DLC1: variants seen among roughly 807,000 people sequenced by gnomAD.
The protein encoded by DLC1 is rho GTPase-activating protein 7.
In DLC1, 54 loss-of-function variants were observed where a neutral mutation model predicts 140.3. That is an observed-to-expected ratio of 0.38 (90% CI 0.31 to 0.48). The LOEUF is 0.48. Among genes scored for constraint, DLC1 ranks in the 20% least tolerant of loss-of-function variants. The pLI is 0.96. For missense variants in DLC1, 2,536 were observed against 1,907.0 expected (o/e 1.33, Z -6.14); for synonymous variants, 986 against 728.1 (o/e 1.35, Z -5.70).
chr8:13,126,268 G>A (rs1821553537), intron 5 of DLC1, among the ~76,000 whole-genome samples: 1 of 151,612 alleles, frequency 6.6e-6, no homozygotes, highest in South Asian at 2.1e-4. Flanking sequence ...AAACTAAGAA[G>A]GAAATGGATA....
At chr8:13,572,819 A>G (rs180863438) in intron 1 of DLC1, among the ~76,000 whole-genome samples, 3 of 152,260 alleles carry the variant, frequency 2.0e-5, no homozygotes, top group African/African-American at 7.2e-5. Flanking sequence ...TGAACTCTAA[A>G]TTCTGTTCCA....
chr8:13,084,948 C>CA lies in DLC1; in HGVS notation c.*862dup, dbSNP rs1258819378. Reference sequence around the variant, plus strand: ...TTCAGTTTTTATATCTCGACTTAAACAAAAAACAAAACAAAACAAAACAAA... The same window carrying CA: ...TTCAGTTTTTATATCTCGACTTAAACAAAAAAACAAAACAAAACAAAACAAA... On this transcript the variant is annotated 3_prime_UTR_variant, in exon 18 of 18. Coordinates refer to ENST00000276297, the MANE Select transcript of DLC1 (RefSeq NM_182643.3). The CA allele has an allele frequency of 1.3e-5, 2 of 152,036 alleles. No homozygotes were observed. The highest frequency in any genetic ancestry group is 2.4e-5 in the African/African-American group (1 of 41,370). The allele number at this position is 152,036 out of a possible 1,614,324, so 9.4% of individuals were successfully genotyped here.
intron 2 of DLC1, among the ~76,000 whole-genome samples, chr8:13,427,392 C>A (rs1267569812): frequency 6.6e-6 from 1 of 152,162 alleles, no homozygotes; most frequent in African/African-American, 2.4e-5. Flanking sequence ...ACCCATTTCT[C>A]CTTTCCTTGA....
At chr8:13,156,485 T>C (rs1490568354) in intron 5 of DLC1, among the ~76,000 whole-genome samples, 4 of 152,220 alleles carry the variant, frequency 2.6e-5, no homozygotes, top group Non-Finnish European at 5.9e-5. Flanking sequence ...AAAACTCTTC[T>C]TTTCCTTCCC....
intron 5 of DLC1, among the ~76,000 whole-genome samples, chr8:13,287,297 A>G (rs1831566425): frequency 6.6e-6 from 1 of 152,208 alleles, no homozygotes; most frequent in Non-Finnish European, 1.5e-5. Context: ...AATGGAAAGT[A>G]AGCAATCAGA....
chr8:13,587,024 A>G (rs536826197), intron 1 of DLC1, among the ~76,000 whole-genome samples: 159 of 151,762 alleles, frequency 1.0e-3, no homozygotes, highest in African/African-American at 3.8e-3. Context: ...AGTTAGAAAT[A>G]TATGTAGGTA....
At chr8:13,253,795 C>G (rs1830104784) in intron 5 of DLC1, among the ~76,000 whole-genome samples, 1 of 152,110 alleles carries the variant, frequency 6.6e-6, no homozygotes, top group Non-Finnish European at 1.5e-5. Flanking sequence ...TTCATTTCCC[C>G]CTCTTTTTTA....
chr8:13,313,749 C>A (rs1832766181), intron 4 of DLC1, among the ~76,000 whole-genome samples: 1 of 152,120 alleles, frequency 6.6e-6, no homozygotes, highest in Non-Finnish European at 1.5e-5. Flanking sequence ...TTATTTTGAA[C>A]AATTTTAAAT....
intron 5 of DLC1, among the ~76,000 whole-genome samples, chr8:13,241,479 T>G (rs1267222589): frequency 1.3e-5 from 2 of 152,176 alleles, no homozygotes; most frequent in Non-Finnish European, 2.9e-5. Flanking sequence ...ACCTTTTTTA[T>G]GTGTTTGGTA....
rs189440530 is a variant in DLC1, at chr8:13,384,360, C to G, written c.1314+9193G>C. Among the ~76,000 whole-genome samples the G allele has an allele frequency of 9.9e-3, 1,254 of 126,248 alleles. 12 individuals are homozygous for G. The highest frequency in any genetic ancestry group is 0.015 in the Non-Finnish European group (805 of 53,690). 82.8% of individuals were successfully genotyped at this position (126,248 alleles called of 152,430 possible). A position where few individuals can be genotyped will look rare whatever the true frequency, so the allele number is the denominator to read the frequency against. On this transcript the variant is annotated intron_variant, in intron 4 of 17. Transcript: ENST00000276297. Reference sequence around the variant, plus strand: ...GACACCTACCTTGAGCAAGACAAAACTATGTGTGTGAGCGTGCGCGTGTGT... The same window carrying G: ...GACACCTACCTTGAGCAAGACAAAAGTATGTGTGTGAGCGTGCGCGTGTGT...
At chr8:13,601,524 A>C (rs997587635) in intron 1 of DLC1, among the ~76,000 whole-genome samples, 1 of 151,834 alleles carries the variant, frequency 6.6e-6, no homozygotes, top group East Asian at 1.9e-4. Flanking sequence ...TTGCTATCAT[A>C]ACACTACTAT....
At chr8:13,322,273 A>C (rs938988702) in intron 4 of DLC1, among the ~76,000 whole-genome samples, 1 of 152,168 alleles carries the variant, frequency 6.6e-6, no homozygotes, top group Non-Finnish European at 1.5e-5. Flanking sequence ...TGAAAGAACA[A>C]TATATCAGTT....
At chr8:13,451,061 A>AAAAAAAAAAAAAAAAG (rs1563357501) in intron 2 of DLC1, among the ~76,000 whole-genome samples, 28 of 138,428 alleles carry the variant, frequency 2.0e-4, no homozygotes, top group Non-Finnish European at 3.8e-4. Flanking sequence ...AAAAAAAAAA[A>AAAAAAAAAAAAAAAAG]AAAAAAAGAA....
intron 4 of DLC1, among the ~76,000 whole-genome samples, chr8:13,363,595 A>G (rs1835344464): frequency 6.6e-6 from 1 of 152,158 alleles, no homozygotes; most frequent in Non-Finnish European, 1.5e-5. Flanking sequence ...ATTGTTTTAC[A>G]ATAATATAGA....
chr8:13,348,220 T>C (rs1424505859), intron 4 of DLC1, among the ~76,000 whole-genome samples: 1 of 152,202 alleles, frequency 6.6e-6, no homozygotes. Context: ...GGAGGTGGGA[T>C]ACAGCCTGGC....
intron 5 of DLC1, among the ~76,000 whole-genome samples, chr8:13,266,482 C>T (rs749866086): frequency 6.6e-6 from 1 of 152,176 alleles, no homozygotes; most frequent in Admixed American, 6.5e-5. Flanking sequence ...TGGTGGTTCA[C>T]ACCTGTAATT....
chr8:13,447,878 A>G (rs937156051), intron 2 of DLC1, among the ~76,000 whole-genome samples: 1 of 152,056 alleles, frequency 6.6e-6, no homozygotes, highest in African/African-American at 2.4e-5. Flanking sequence ...ACATAAAAAT[A>G]CCCTGTCTCT....
At chr8:13,281,036 G>A (rs1196549925) in intron 5 of DLC1, among the ~76,000 whole-genome samples, 5 of 152,174 alleles carry the variant, frequency 3.3e-5, no homozygotes, top group African/African-American at 1.2e-4. Context: ...AATAGTCCAT[G>A]ACAAGGAGTA....
intron 5 of DLC1, among the ~76,000 whole-genome samples, chr8:13,126,352 C>A (rs1821562765): frequency 6.9e-6 from 1 of 144,488 alleles, no homozygotes; most frequent in South Asian, 2.2e-4. Flanking sequence ...CAGGGACACA[C>A]ATATCTCTCT....
Sources: allele counts gnomAD v4.1 joint callset (sites outside exome capture counted in the v4.1 genomes callset), GRCh38; gene constraint gnomAD v4.1.1; transcripts MANE v1.5; gene names NCBI Gene and HGNC (gene_info 2026-07-23, HGNC 2026-07-21).